Variants in KCNIP4 observed in about 807,000 individuals in gnomAD.
KCNIP4 encodes the protein potassium voltage-gated channel interacting protein 4.
A neutral mutation model predicts 34.0 loss-of-function variants in KCNIP4; 12 were observed. The ratio of observed to expected loss-of-function variants is 0.35; its 90% CI spans 0.23 to 0.57. The LOEUF is 0.57. Ranked by LOEUF, KCNIP4 falls within the 20% of genes least tolerant of loss-of-function variation. The pLI is 0.83. For synonymous variants in KCNIP4, 124 were observed against 102.2 expected (o/e 1.21, Z -1.29); for missense variants, 238 against 311.7 (o/e 0.76, Z 1.78).
intron 1 of KCNIP4, among the ~76,000 whole-genome samples, chr4:21,483,732 G>C (rs1731661788): frequency 6.6e-6 from 1 of 152,042 alleles, no homozygotes; most frequent in South Asian, 2.1e-4. Context: ...GGAGGTTGCA[G>C]TGAGCCGAGA....
At chr4:21,924,974 C>T (rs191796779) in intron 1 of KCNIP4, among the ~76,000 whole-genome samples, 6 of 152,218 alleles carry the variant, frequency 3.9e-5, no homozygotes, top group Admixed American at 2.0e-4. Flanking sequence ...ATGCATTTTC[C>T]TAATCTCTCT....
chr4:20,904,571 A>G (rs1727529989), intron 1 of KCNIP4, among the ~76,000 whole-genome samples: 1 of 152,120 alleles, frequency 6.6e-6, no homozygotes, highest in Admixed American at 6.6e-5. Flanking sequence ...TAAATGTAAT[A>G]CAAAACACCT....
chr4:21,891,926 T>G (rs550327106), intron 1 of KCNIP4, among the ~76,000 whole-genome samples: 1 of 152,044 alleles, frequency 6.6e-6, no homozygotes, highest in African/African-American at 2.4e-5. Context: ...AATTGAGAGT[T>G]GTGGTAAGAA....
intron 1 of KCNIP4, among the ~76,000 whole-genome samples, chr4:21,862,149 C>T (rs1725113287): frequency 6.6e-6 from 1 of 152,090 alleles, no homozygotes; most frequent in Non-Finnish European, 1.5e-5. Flanking sequence ...CCTTGCTGGC[C>T]ATCTAATCTA....
chr4:21,051,873 C>T (rs968932674), intron 1 of KCNIP4, among the ~76,000 whole-genome samples: 2 of 152,092 alleles, frequency 1.3e-5, no homozygotes, highest in African/African-American at 4.8e-5. Context: ...ATTTAGGCTG[C>T]AAGAGAGATG....
intron 5 of KCNIP4, among the ~76,000 whole-genome samples, chr4:20,745,826 A>G (rs993244665): frequency 5.3e-5 from 8 of 152,156 alleles, no homozygotes; most frequent in Non-Finnish European, 8.8e-5. Flanking sequence ...CTGCCAATCA[A>G]AGACTGCTAT....
chr4:21,303,155 A>C (rs754741613), intron 1 of KCNIP4, among the ~76,000 whole-genome samples: 1 of 152,250 alleles, frequency 6.6e-6, no homozygotes, highest in Non-Finnish European at 1.5e-5. Context: ...GTGATTGATA[A>C]GGAGAACAGG....
intron 1 of KCNIP4, among the ~76,000 whole-genome samples, chr4:21,338,755 C>A (rs914149048): frequency 6.6e-6 from 1 of 151,864 alleles, no homozygotes; most frequent in African/African-American, 2.4e-5. Context: ...TTCCTCCAAG[C>A]ACACGTTAAT....
chr4:21,156,418 G>A (rs1424178078), intron 1 of KCNIP4, among the ~76,000 whole-genome samples: 1 of 152,086 alleles, frequency 6.6e-6, no homozygotes, highest in Non-Finnish European at 1.5e-5. Flanking sequence ...GAGATTCTAG[G>A]GGATCATGAA....
At chr4:21,556,930 A>AAAAAAAAAAAAACC (rs1739097761) in intron 1 of KCNIP4, among the ~76,000 whole-genome samples, 3 of 108,194 alleles carry the variant, frequency 2.8e-5, no homozygotes, top group Non-Finnish European at 6.0e-5. Context: ...CAGAAAAAAA[A>AAAAAAAAAAAAACC]AAAAAAAAAA....
chr4:21,613,040 C>T (rs6826086), intron 1 of KCNIP4, among the ~76,000 whole-genome samples: 28,313 of 152,084 alleles, frequency 0.19, 2,678 homozygotes, highest in East Asian at 0.24. Context: ...CTGGTTTCAT[C>T]AGTCTAATCT....
chr4:21,839,961 C>T (rs141708641), intron 1 of KCNIP4, among the ~76,000 whole-genome samples: 43 of 152,102 alleles, frequency 2.8e-4, no homozygotes, highest in African/African-American at 9.9e-4. Context: ...CTACATCTTG[C>T]CACTCTCATG....
chr4:21,597,803 T>G (rs1477611034), intron 1 of KCNIP4, among the ~76,000 whole-genome samples: 1 of 152,012 alleles, frequency 6.6e-6, no homozygotes, highest in East Asian at 1.9e-4. Flanking sequence ...ACAATGCAGG[T>G]TTTTAGGATA....
chr4:21,335,607 A>G (rs1216822309), intron 1 of KCNIP4, among the ~76,000 whole-genome samples: 1 of 152,212 alleles, frequency 6.6e-6, no homozygotes, highest in Non-Finnish European at 1.5e-5. Context: ...TAAAACAAAC[A>G]TTAGTACAAG....
chr4:20,954,922 C>T (rs938484634), intron 1 of KCNIP4, among the ~76,000 whole-genome samples: 11 of 152,304 alleles, frequency 7.2e-5, no homozygotes, highest in Admixed American at 2.6e-4. Context: ...TTTCAACCTC[C>T]GTCTTCAGGG....
At chr4:21,748,832 A>G (rs1577935928) in intron 1 of KCNIP4, among the ~76,000 whole-genome samples, 1 of 152,288 alleles carries the variant, frequency 6.6e-6, no homozygotes, top group South Asian at 2.1e-4. Context: ...TTAGGGACAA[A>G]GAATCCTGTC....
chr4:21,656,933 T>C (rs1228309520), intron 1 of KCNIP4: 1 of 152,160 alleles, frequency 6.6e-6, no homozygotes, highest in Non-Finnish European at 1.5e-5. Context: ...TTGCACACGA[T>C]GTTCCCCACA....
intron 1 of KCNIP4, among the ~76,000 whole-genome samples, chr4:21,065,333 AACAATTTGAGAACCTAGATGTTG>A (rs1423427872): frequency 1.3e-5 from 2 of 152,170 alleles, no homozygotes; most frequent in Non-Finnish European, 2.9e-5. Flanking sequence ...TTAGGAAAGC[AACAATTTGAGAACCTAGATGTTG>A]GCAGATGACC....
At chr4:21,322,032 G>T (rs1487896122) in intron 1 of KCNIP4, among the ~76,000 whole-genome samples, 1 of 141,592 alleles carries the variant, frequency 7.1e-6, no homozygotes, top group African/African-American at 2.6e-5. Flanking sequence ...AGGGACAGAG[G>T]CAGGGGAGGA....
Sources: allele counts gnomAD v4.1 joint callset (sites outside exome capture counted in the v4.1 genomes callset), GRCh38; gene constraint gnomAD v4.1.1; transcripts MANE v1.5; gene names NCBI Gene and HGNC (gene_info 2026-07-23, HGNC 2026-07-21).